Variants in ADAM10 observed in about 807,000 individuals in gnomAD.
The protein encoded by ADAM10 is disintegrin and metalloproteinase domain-containing protein 10.
A neutral mutation model predicts 90.1 loss-of-function variants in ADAM10; 17 were observed. The ratio of observed to expected loss-of-function variants is 0.19; its 90% CI spans 0.13 to 0.28. The LOEUF (loss-of-function observed/expected upper bound fraction) is 0.28. Ranked by LOEUF, ADAM10 falls within the 10% of genes least tolerant of loss-of-function variation. The probability of loss-of-function intolerance (pLI) is 1.00; values close to 1 mark genes in which losing one functional copy is unlikely to be tolerated. For missense variants in ADAM10, 610 were observed against 914.3 expected (o/e 0.67, Z 4.29); for synonymous variants, 310 against 298.6 (o/e 1.04, Z -0.40).
At chr15:58,679,629 A>G (rs1194930743) in intron 3 of ADAM10, among the ~76,000 whole-genome samples, 4 of 152,314 alleles carry the variant, frequency 2.6e-5, no homozygotes, top group African/African-American at 9.6e-5. Flanking sequence ...TTGGCCCAGC[A>G]CAGTGTGGTT....
At chr15:58,641,074 G>T in intron 7 of ADAM10, 114 bp from the exon 8 acceptor site, 1 of 1,051,196 alleles carries the variant, frequency 9.5e-7, no homozygotes. Flanking sequence ...TGGAAATCAG[G>T]CCTGAATTAA....
chr15:58,713,328 A>T (rs1898536940), intron 2 of ADAM10, among the ~76,000 whole-genome samples: 1 of 152,012 alleles, frequency 6.6e-6, no homozygotes, highest in Admixed American at 6.6e-5. Context: ...CTGGTCTCAA[A>T]CTGCTGGGCT....
At chr15:58,692,667 A>G (rs1276579152) in intron 2 of ADAM10, 1 of 560,770 alleles carries the variant, frequency 1.8e-6, no homozygotes, top group South Asian at 1.4e-5. Context: ...TCACTTTGGT[A>G]TCCCTGTCAA....
rs571750917 is a variant in ADAM10, at chr15:58,686,403, C to T, written c.207-4089G>A. ...AAGGCTGGGCCCTCGGAGCCCAGCGCCGCCACCATGTCCTCTGGGGCTAGC... is the reference window on the plus strand; with the variant it reads ...AAGGCTGGGCCCTCGGAGCCCAGCGTCGCCACCATGTCCTCTGGGGCTAGC... On this transcript the variant is annotated intron_variant, in intron 2 of 15. Coordinates refer to ENST00000260408, the MANE Select transcript of ADAM10 (RefSeq NM_001110.4). 6.6e-5 allele frequency: 77 copies of T among 1,171,600 alleles called. No homozygotes were observed. The African/African-American group carries it at 1.0e-3, about 16-fold the overall frequency. 72.6% of individuals were successfully genotyped at this position (1,171,600 alleles called of 1,614,324 possible). A position where few individuals can be genotyped will look rare whatever the true frequency, so the allele number is the denominator to read the frequency against.
chr15:58,644,641 C>G (rs1896504010), intron 6 of ADAM10, among the ~76,000 whole-genome samples: 1 of 152,218 alleles, frequency 6.6e-6, no homozygotes, highest in Non-Finnish European at 1.5e-5. Context: ...GTATCCTTCT[C>G]TATTTATCCT....
At chr15:58,742,179 T>C (rs1274063389) in intron 1 of ADAM10, among the ~76,000 whole-genome samples, 2 of 152,234 alleles carry the variant, frequency 1.3e-5, no homozygotes, top group African/African-American at 2.4e-5. Context: ...TAATAAATCC[T>C]GGTGACTAAA....
At chr15:58,698,351 C>T (rs1173274048) in intron 2 of ADAM10, 19 of 424,880 alleles carry the variant, frequency 4.5e-5, no homozygotes, top group African/African-American at 1.1e-4. Flanking sequence ...GCAGGTGGAT[C>T]GTTTCAACCC....
intron 2 of ADAM10, among the ~76,000 whole-genome samples, chr15:58,689,977 T>C (rs1454560079): frequency 7.3e-6 from 1 of 137,340 alleles, no homozygotes; most frequent in Non-Finnish European, 1.5e-5. Context: ...AAGACTGATA[T>C]TCCTTATGAA....
intron 10 of ADAM10, among the ~76,000 whole-genome samples, chr15:58,626,411 T>C (rs1895946574): frequency 6.6e-6 from 1 of 152,178 alleles, no homozygotes; most frequent in Non-Finnish European, 1.5e-5. Context: ...GTTTAACCCC[T>C]CTTTCAGTGC....
chr15:58,701,793 A>G (rs1304279528), intron 2 of ADAM10, among the ~76,000 whole-genome samples: 1 of 152,166 alleles, frequency 6.6e-6, no homozygotes, highest in Non-Finnish European at 1.5e-5. Flanking sequence ...ACAATGGAGT[A>G]CAATTTGACT....
chr15:58,664,783 G>A (rs2140728190), intron 5 of ADAM10, among the ~76,000 whole-genome samples: 1 of 152,188 alleles, frequency 6.6e-6, no homozygotes, highest in Non-Finnish European at 1.5e-5. Context: ...ACCAAGGCAA[G>A]TGGTCACTCT....
chr15:58,696,479 T>TC (rs201962826), intron 2 of ADAM10, among the ~76,000 whole-genome samples: 2 of 150,210 alleles, frequency 1.3e-5, no homozygotes, highest in Non-Finnish European at 3.0e-5. Context: ...TTTTTTTTTT[T>TC]CCCAAGATGA....
intron 2 of ADAM10, among the ~76,000 whole-genome samples, chr15:58,707,737 T>C (rs1054096272): frequency 6.6e-6 from 1 of 152,190 alleles, no homozygotes; most frequent in Non-Finnish European, 1.5e-5. Context: ...CTTTCCAACC[T>C]CGCACAACTA....
chr15:58,708,111 C>T (rs868433052), intron 2 of ADAM10, among the ~76,000 whole-genome samples: 47 of 151,896 alleles, frequency 3.1e-4, no homozygotes, highest in African/African-American at 9.4e-4. Flanking sequence ...AACAATAAAA[C>T]AATGACAGGA....
intron 1 of ADAM10, among the ~76,000 whole-genome samples, chr15:58,739,330 C>T (rs1899528632): frequency 6.8e-6 from 1 of 147,296 alleles, no homozygotes; most frequent in South Asian, 2.1e-4. Context: ...CATGGTGAAA[C>T]CCCGTCTCTA....
At chr15:58,620,826 G>A (rs1300446575) in intron 11 of ADAM10, among the ~76,000 whole-genome samples, 2 of 85,462 alleles carry the variant, frequency 2.3e-5, no homozygotes, top group Admixed American at 1.1e-4. Flanking sequence ...CCGCCACCGC[G>A]CCCGGCTAAT....
chr15:58,709,866 G>C (rs1160618680), intron 2 of ADAM10, among the ~76,000 whole-genome samples: 1 of 152,106 alleles, frequency 6.6e-6, no homozygotes, highest in Non-Finnish European at 1.5e-5. Context: ...ATACTTTCAC[G>C]CTCTTACTTC....
chr15:58,680,676 T>C (rs1596061396), intron 3 of ADAM10, among the ~76,000 whole-genome samples: 1 of 152,294 alleles, frequency 6.6e-6, no homozygotes, highest in East Asian at 1.9e-4. Context: ...AACCTTGAAT[T>C]TACCCATTAC....
intron 1 of ADAM10, among the ~76,000 whole-genome samples, chr15:58,738,444 T>C (rs1409683351): frequency 6.6e-6 from 1 of 152,228 alleles, no homozygotes; most frequent in East Asian, 1.9e-4. Flanking sequence ...GAATTCAAAC[T>C]TAAGCCAGTA....
Sources: allele counts gnomAD v4.1 joint callset (sites outside exome capture counted in the v4.1 genomes callset), GRCh38; gene constraint gnomAD v4.1.1; transcripts MANE v1.5; gene names NCBI Gene and HGNC (gene_info 2026-07-23, HGNC 2026-07-21).